DLGAP1: variants seen among roughly 807,000 people sequenced by gnomAD.
DLGAP1 encodes the protein DLG associated protein 1, also known as disks large-associated protein 1.
DLGAP1 carries 11 observed loss-of-function variants against 90.8 expected under a neutral mutation model. The ratio of observed to expected loss-of-function variants is 0.12; its 90% CI spans 0.08 to 0.20. DLGAP1 has a LOEUF of 0.20. Among genes scored for constraint, DLGAP1 ranks in the 10% least tolerant of loss-of-function variants. DLGAP1 has a pLI of 1.00. For synonymous variants in DLGAP1, 558 were observed against 540.7 expected (o/e 1.03, Z -0.44); for missense variants, 1,050 against 1,333.8 (o/e 0.79, Z 3.31).
chr18:4,044,407 C>T (rs1433893124), intron 2 of DLGAP1, among the ~76,000 whole-genome samples: 1 of 152,138 alleles, frequency 6.6e-6, no homozygotes, highest in Non-Finnish European at 1.5e-5. Context: ...GGTATTTCTC[C>T]AAATTGCCCG....
At chr18:3,860,113 T>TAAATAAATAAATAAAAAATAA (rs776606565) in intron 4 of DLGAP1, among the ~76,000 whole-genome samples, 2,277 of 142,108 alleles carry the variant, frequency 0.016, 82 homozygotes, top group Admixed American at 0.068. Context: ...AATAAATAAA[T>TAAATAAATAAATAAAAAATAA]AAATAAATTT....
chr18:4,179,657 T>C (rs911757181), intron 1 of DLGAP1, among the ~76,000 whole-genome samples: 13 of 152,200 alleles, frequency 8.5e-5, no homozygotes, highest in African/African-American at 2.7e-4. Flanking sequence ...GCCCAAATTG[T>C]AGCCTCTTAA....
chr18:3,853,373 T>C (rs965387867), intron 4 of DLGAP1, among the ~76,000 whole-genome samples: 2 of 152,128 alleles, frequency 1.3e-5, no homozygotes, highest in Non-Finnish European at 2.9e-5. Flanking sequence ...TCAATAATGA[T>C]TGGATGTAAG....
At chr18:3,828,057 T>A (rs1476497498) in intron 4 of DLGAP1, among the ~76,000 whole-genome samples, 2 of 152,258 alleles carry the variant, frequency 1.3e-5, no homozygotes, top group African/African-American at 2.4e-5. Flanking sequence ...TTACTTTTAC[T>A]GATTGTACTT....
At chr18:3,739,675 A>T (rs907382084) in intron 6 of DLGAP1, among the ~76,000 whole-genome samples, 9 of 152,014 alleles carry the variant, frequency 5.9e-5, no homozygotes, top group African/African-American at 2.2e-4. Flanking sequence ...TACCTAATGC[A>T]AGATGACAAG....
At chr18:4,160,478 T>C (rs1176257421) in intron 1 of DLGAP1, among the ~76,000 whole-genome samples, 6 of 148,710 alleles carry the variant, frequency 4.0e-5, no homozygotes, top group African/African-American at 1.6e-4. Context: ...CAGACTCTTT[T>C]GTAAAGCATA....
intron 11 of DLGAP1, among the ~76,000 whole-genome samples, chr18:3,503,365 C>A (rs12456403): frequency 0.41 from 62,624 of 152,008 alleles, 13,647 homozygotes; most frequent in East Asian, 0.67. Flanking sequence ...TGATAGTAAA[C>A]ATTCTTCAGT....
intron 5 of DLGAP1, among the ~76,000 whole-genome samples, chr18:3,797,018 T>C (rs2066024097): frequency 6.6e-6 from 1 of 152,060 alleles, no homozygotes; most frequent in Non-Finnish European, 1.5e-5. Flanking sequence ...AACTTCATGA[T>C]GGGAATAGTG....
chr18:4,373,171 ACT>A (rs150404768), intron 1 of DLGAP1, among the ~76,000 whole-genome samples: 2,125 of 152,144 alleles, frequency 0.014, 55 homozygotes, highest in African/African-American at 0.048. Flanking sequence ...TGGCAAGATC[ACT>A]CTAATAATGA....
chr18:3,854,796 G>A (rs534176130), intron 4 of DLGAP1, among the ~76,000 whole-genome samples: 157 of 152,258 alleles, frequency 1.0e-3, no homozygotes, highest in African/African-American at 3.5e-3. Context: ...TGAGTGTGAG[G>A]CAGCCTGACA....
At chr18:3,791,997 G>T (rs986072941) in intron 5 of DLGAP1, among the ~76,000 whole-genome samples, 2 of 152,120 alleles carry the variant, frequency 1.3e-5, no homozygotes, top group African/African-American at 4.8e-5. Flanking sequence ...CTGCTCCCAC[G>T]TCCACACTGG....
intron 1 of DLGAP1, among the ~76,000 whole-genome samples, chr18:4,288,295 A>G (rs1017226060): frequency 4.6e-5 from 7 of 152,218 alleles, no homozygotes; most frequent in African/African-American, 7.2e-5. Flanking sequence ...TGGGAGGCAT[A>G]GTGTCACAAT....
chr18:4,442,008 T>G (rs553909143), intron 1 of DLGAP1, among the ~76,000 whole-genome samples: 1 of 152,206 alleles, frequency 6.6e-6, no homozygotes, highest in Non-Finnish European at 1.5e-5. Flanking sequence ...GTTTGTTCTT[T>G]TGAGACAGAA....
chr18:3,984,497 G>A (rs1427100613), intron 3 of DLGAP1, among the ~76,000 whole-genome samples: 1 of 152,096 alleles, frequency 6.6e-6, no homozygotes, highest in East Asian at 1.9e-4. Flanking sequence ...CTAAGCTCCA[G>A]GTGTCTAAAA....
rs145012994 is a variant in DLGAP1 at position 4,300,275 on chromosome 18, G to A, written c.-266-148988C>T. On this transcript the variant is annotated intron_variant, in intron 1 of 12. Transcript: ENST00000315677. ...TTTGTCTTATTTTGATAAAATGATC[G>A]TGTTTAAATGTTTTCCTGCCACTTA... 1.8e-3 allele frequency among the ~76,000 whole-genome samples: 276 copies of A among 152,056 alleles called. 1 individual carries two copies. Among genetic ancestry groups the A allele is most frequent in the African/African-American group, 5.9e-3 (245 of 41,490 alleles).
chr18:3,688,388 AG>A (rs1449431076), intron 7 of DLGAP1, among the ~76,000 whole-genome samples: 1 of 152,128 alleles, frequency 6.6e-6, no homozygotes, highest in Non-Finnish European at 1.5e-5. Context: ...AGCAGAGGGC[AG>A]TTACCTTCAA....
At chr18:4,151,672 C>A (rs569542062) in intron 1 of DLGAP1, among the ~76,000 whole-genome samples, 10 of 152,264 alleles carry the variant, frequency 6.6e-5, no homozygotes, top group Admixed American at 6.5e-4. Context: ...CTCAACAGTA[C>A]AACTAAGCCA....
At chr18:3,779,912 T>A (rs1381130617) in intron 5 of DLGAP1, among the ~76,000 whole-genome samples, 1 of 151,968 alleles carries the variant, frequency 6.6e-6, no homozygotes, top group Admixed American at 6.6e-5. Context: ...GCCTCAGCTT[T>A]CCAAGTAGCT....
intron 1 of DLGAP1, among the ~76,000 whole-genome samples, chr18:4,334,148 G>C (rs1022833427): frequency 6.6e-6 from 1 of 151,542 alleles, no homozygotes; most frequent in Non-Finnish European, 1.5e-5. Flanking sequence ...TGAGGCAGGA[G>C]ACTTGCTTGA....
Sources: allele counts gnomAD v4.1 joint callset (sites outside exome capture counted in the v4.1 genomes callset), GRCh38; gene constraint gnomAD v4.1.1; transcripts MANE v1.5; gene names NCBI Gene and HGNC (gene_info 2026-07-23, HGNC 2026-07-21).